GHR: variants seen among roughly 807,000 people sequenced by gnomAD.
GHR encodes the protein growth hormone receptor.
A neutral mutation model predicts 67.1 loss-of-function variants in GHR; 35 were observed. That is an observed-to-expected ratio of 0.52 (90% CI 0.40 to 0.69). The LOEUF (loss-of-function observed/expected upper bound fraction) is 0.69, where lower values mean the gene tolerates loss of function less well. Ranked by LOEUF, GHR falls within the 30% of genes least tolerant of loss-of-function variation. The pLI is 0.00. For missense variants in GHR, 792 were observed against 764.6 expected (o/e 1.04, Z -0.42); for synonymous variants, 272 against 269.1 (o/e 1.01, Z -0.10).
chr5:42,612,360 T>C (rs773012492), intron 2 of GHR, among the ~76,000 whole-genome samples: 1 of 152,180 alleles, frequency 6.6e-6, no homozygotes, highest in African/African-American at 2.4e-5. Context: ...AGCATTTGTA[T>C]TAAAATCCAT....
At chr5:42,474,261 A>AGACAGAC (rs1561325244) in intron 1 of GHR, among the ~76,000 whole-genome samples, 16 of 102,310 alleles carry the variant, frequency 1.6e-4, no homozygotes, top group African/African-American at 7.0e-4. Context: ...GACAGACAGA[A>AGACAGAC]AGAAAGAAAG....
intron 2 of GHR, among the ~76,000 whole-genome samples, chr5:42,626,945 AGCT>A (rs1455881641): frequency 2.0e-5 from 3 of 152,188 alleles, no homozygotes; most frequent in Non-Finnish European, 2.9e-5. Flanking sequence ...ATACTTTTCT[AGCT>A]GGGATGCTTA....
chr5:42,477,545 T>G (rs1406692655), intron 1 of GHR, among the ~76,000 whole-genome samples: 2 of 152,208 alleles, frequency 1.3e-5, no homozygotes, highest in Non-Finnish European at 2.9e-5. Context: ...CCAGCACCTG[T>G]TGTTTCCTGA....
At chr5:42,539,958 C>T (rs898948841) in intron 1 of GHR, among the ~76,000 whole-genome samples, 6 of 152,138 alleles carry the variant, frequency 3.9e-5, no homozygotes, top group African/African-American at 1.2e-4. Context: ...TTTTGGCTGA[C>T]TTATTTTTGT....
At chr5:42,611,354 A>AGG (rs1223888302) in intron 2 of GHR, among the ~76,000 whole-genome samples, 1 of 151,642 alleles carries the variant, frequency 6.6e-6, no homozygotes, top group Admixed American at 6.6e-5. Context: ...ACTTTTTCCA[A>AGG]CCTTAATTAC....
intron 1 of GHR, among the ~76,000 whole-genome samples, chr5:42,431,722 T>C (rs1430007767): frequency 3.1e-4 from 47 of 152,226 alleles, no homozygotes; most frequent in Admixed American, 3.1e-3. Flanking sequence ...CTTCTTAGGT[T>C]GTGAATTTGT....
intron 2 of GHR, among the ~76,000 whole-genome samples, chr5:42,597,733 G>A (rs1752154702): frequency 1.3e-5 from 2 of 152,158 alleles, no homozygotes; most frequent in South Asian, 4.1e-4. Flanking sequence ...AGGAGGCTGG[G>A]AGGTACTGAG....
At chr5:42,645,499 G>C (rs1172466813) in intron 3 of GHR, among the ~76,000 whole-genome samples, 1 of 152,232 alleles carries the variant, frequency 6.6e-6, no homozygotes, top group African/African-American at 2.4e-5. Context: ...ACCAAAGAGA[G>C]AGAGAGGAAA....
chr5:42,507,627 G>T (rs975955610), intron 1 of GHR, among the ~76,000 whole-genome samples: 1 of 152,236 alleles, frequency 6.6e-6, no homozygotes, highest in African/African-American at 2.4e-5. Context: ...GTATGGGTAG[G>T]ATTAAAGTAG....
At chr5:42,697,937 T>C (rs1327077778) in intron 5 of GHR, among the ~76,000 whole-genome samples, 1 of 151,976 alleles carries the variant, frequency 6.6e-6, no homozygotes, top group Non-Finnish European at 1.5e-5. Context: ...GTGCAGGCGG[T>C]GGGACATGGT....
chr5:42,467,237 G>T, intron 1 of GHR: 1 of 1,398,598 alleles, frequency 7.2e-7, no homozygotes, highest in Non-Finnish European at 1.0e-6. Flanking sequence ...TCTGCAGTGT[G>T]AATTATCTGG....
intron 1 of GHR, among the ~76,000 whole-genome samples, chr5:42,508,439 C>A (rs753826064): frequency 4.6e-5 from 7 of 152,202 alleles, no homozygotes; most frequent in Non-Finnish European, 5.9e-5. Flanking sequence ...TTGCCAGCCT[C>A]TGCAATCTTC....
intron 1 of GHR, among the ~76,000 whole-genome samples, chr5:42,526,868 G>A (rs180705106): frequency 2.6e-5 from 4 of 152,234 alleles, no homozygotes; most frequent in African/African-American, 4.8e-5. Context: ...GAACCCCATC[G>A]GGCCAACAAC....
chr5:42,564,459 C>T lies in GHR; in HGVS notation c.-11-1405C>T, dbSNP rs551081321. On this transcript the variant is annotated intron_variant, in intron 1 of 9. Transcript: ENST00000230882. ...GCATGTTTACACTCAATCCTATGAA[C>T]GACTCCATGAAGTAGTGTATGAAGG... Among the ~76,000 whole-genome samples the T allele has an allele frequency of 6.6e-5, 10 of 152,234 alleles. No homozygotes were observed. The South Asian group carries it at 8.3e-4, about 13-fold the overall frequency.
At chr5:42,694,893 T>C (rs933206707) in intron 4 of GHR, 24 bp from the exon 5 acceptor site, 1 of 1,565,140 alleles carries the variant, frequency 6.4e-7, no homozygotes, top group Admixed American at 1.7e-5. Context: ...GAACAATTAA[T>C]CTTTTTTTAA....
At chr5:42,483,289 C>A (rs1745735747) in intron 1 of GHR, among the ~76,000 whole-genome samples, 1 of 152,042 alleles carries the variant, frequency 6.6e-6, no homozygotes, top group African/African-American at 2.4e-5. Flanking sequence ...TGGGATCAAG[C>A]AGTCTGCCCA....
In GHR at chr5:42,510,623, G is replaced by A. The variant is rs781519181; in HGVS notation, c.-11-55241G>A. Among the ~76,000 whole-genome samples the A allele has an allele frequency of 3.1e-4, 47 of 152,184 alleles. 1 individual carries two copies. Among genetic ancestry groups the A allele is most frequent in the African/African-American group, 1.1e-3 (47 of 41,452 alleles). ...TAACCAAAGCAATAATAGATACCTT[G>A]GGAGATAACAGGAAGGCAGGCAGCT... On this transcript the variant is annotated intron_variant, in intron 1 of 9. Coordinates refer to ENST00000230882, the MANE Select transcript of GHR (RefSeq NM_000163.5).
intron 1 of GHR, among the ~76,000 whole-genome samples, chr5:42,454,300 G>A (rs1285467814): frequency 6.6e-6 from 1 of 152,218 alleles, no homozygotes; most frequent in Non-Finnish European, 1.5e-5. Flanking sequence ...AAGTTGCCAC[G>A]TGGACAGACT....
intron 2 of GHR, among the ~76,000 whole-genome samples, chr5:42,591,998 C>A (rs1438728067): frequency 6.6e-6 from 1 of 152,076 alleles, no homozygotes; most frequent in Non-Finnish European, 1.5e-5. Flanking sequence ...GGCCTGAGAA[C>A]TTGCCCCAGA....
Sources: gnomAD v4.1 joint callset for allele counts (sites outside exome capture counted in the v4.1 genomes callset) on GRCh38, gnomAD v4.1.1 for gene constraint, MANE v1.5 for transcripts, NCBI Gene and HGNC (gene_info 2026-07-23, HGNC 2026-07-21) for gene names.